TAF3: variants seen among roughly 807,000 people sequenced by gnomAD.
TAF3 encodes TATA-box binding protein associated factor 3, also known as transcription initiation factor TFIID subunit 3.
In TAF3, 7 loss-of-function variants were observed where a neutral mutation model predicts 80.6. The ratio of observed to expected loss-of-function variants is 0.09; its 90% CI spans 0.05 to 0.16. The LOEUF (loss-of-function observed/expected upper bound fraction) is 0.16. TAF3 is among the 10% of genes least tolerant of loss of function. The pLI is 1.00. For synonymous variants in TAF3, 444 were observed against 446.1 expected, an observed-to-expected ratio of 1.00 and a Z score of 0.06; for missense variants, 921 against 1,140.2, an observed-to-expected ratio of 0.81 and a Z score of 2.77.
intron 4 of TAF3, among the ~76,000 whole-genome samples, chr10:7,996,183 C>T (rs1831885460): frequency 6.6e-6 from 1 of 152,124 alleles, no homozygotes; most frequent in African/African-American, 2.4e-5. Context: ...GGTTCTGGCT[C>T]AGGTCTGTCT....
chr10:7,926,519 T>C (rs557327205), intron 2 of TAF3, among the ~76,000 whole-genome samples: 1 of 152,342 alleles, frequency 6.6e-6, no homozygotes, highest in East Asian at 1.9e-4. Context: ...AATGTTCTTA[T>C]AAGACTTTAT....
intron 4 of TAF3, among the ~76,000 whole-genome samples, chr10:7,990,801 G>A (rs566731905): frequency 5.3e-4 from 80 of 152,258 alleles, no homozygotes; most frequent in African/African-American, 1.8e-3. Flanking sequence ...CAGGAGGTGC[G>A]TTAGAGAGTC....
At chr10:7,995,541 G>T (rs1177819934) in intron 4 of TAF3, among the ~76,000 whole-genome samples, 1 of 152,144 alleles carries the variant, frequency 6.6e-6, no homozygotes, top group African/African-American at 2.4e-5. Flanking sequence ...TGCCCTTTTA[G>T]AGATTTTATG....
chr10:7,950,798 C>T (rs1335775695), intron 2 of TAF3, among the ~76,000 whole-genome samples: 3 of 152,194 alleles, frequency 2.0e-5, no homozygotes, highest in African/African-American at 7.2e-5. Flanking sequence ...GTGGTTTTCA[C>T]CATCTCAGTA....
intron 2 of TAF3, among the ~76,000 whole-genome samples, chr10:7,825,871 GA>G (rs773457903): frequency 1.4e-4 from 22 of 152,172 alleles, no homozygotes; most frequent in Middle Eastern, 3.4e-3. Flanking sequence ...CCTTGAAGTA[GA>G]ATTGCTGGAT....
At chr10:7,844,905 G>A (rs1221302783) in intron 2 of TAF3, among the ~76,000 whole-genome samples, 1 of 151,660 alleles carries the variant, frequency 6.6e-6, no homozygotes, top group African/African-American at 2.4e-5. Flanking sequence ...CTTATTGTTG[G>A]GCATTTTTAA....
At chr10:7,876,049 G>A (rs1296407690) in intron 2 of TAF3, among the ~76,000 whole-genome samples, 1 of 151,666 alleles carries the variant, frequency 6.6e-6, no homozygotes. Flanking sequence ...TAAAAAGGAA[G>A]TTTGTTTTCC....
chr10:7,899,592 G>T (rs1186558275), intron 2 of TAF3, among the ~76,000 whole-genome samples: 1 of 152,276 alleles, frequency 6.6e-6, no homozygotes, highest in South Asian at 2.1e-4. Context: ...GTACTGGAAG[G>T]TTAAGACAGT....
chr10:7,964,094 C>T lies in TAF3; in HGVS notation c.584C>T (p.Pro195Leu). The T allele has an allele frequency of 6.2e-7, 1 of 1,614,056 alleles. No individual in the cohort carries two copies. The highest frequency in any genetic ancestry group is 1.1e-5 in the South Asian group (1 of 91,076). The change falls in exon 3 of 7, where the codon CCT (proline) becomes CTT (leucine). Residue 195 changes from proline to leucine, a missense_variant. Pro to Leu is a moderately conservative substitution (Grantham distance 98). Coordinates refer to ENST00000344293, the MANE Select transcript of TAF3 (RefSeq NM_031923.4). This position sits in a 1 kb window ranked among gnomAD's most constrained non-coding sequence, Gnocchi z 4.1. ...GAAGAACTGCCAGCCATGAAGCGGCCTCGGCTATTAAGCACTAAAGGGGAC... is the reference window on the plus strand; with the variant it reads ...GAAGAACTGCCAGCCATGAAGCGGCTTCGGCTATTAAGCACTAAAGGGGAC... ...EAEELPAMKR[P>L]RLLSTKGDTL...
chr10:7,872,230 T>TTC (rs1378752056), intron 2 of TAF3, among the ~76,000 whole-genome samples: 4 of 150,562 alleles, frequency 2.7e-5, no homozygotes, highest in South Asian at 2.1e-4. Context: ...TTTTTTTTTT[T>TTC]TTTCTTTCTT....
At chr10:7,828,090 C>T (rs1387048521) in intron 2 of TAF3, among the ~76,000 whole-genome samples, 1 of 152,144 alleles carries the variant, frequency 6.6e-6, no homozygotes, top group East Asian at 1.9e-4. Context: ...CGGTGTCAAG[C>T]TGCATTCAGT....
At chr10:7,925,813 G>A (rs59722725) in intron 2 of TAF3, among the ~76,000 whole-genome samples, 64,807 of 129,700 alleles carry the variant, frequency 0.5, 17,680 homozygotes, top group East Asian at 0.68. Context: ...AAAAAAAAAA[G>A]AAAAGAAAAG....
chr10:7,903,425 A>G lies in TAF3; in HGVS notation c.410-60495A>G, dbSNP rs114964150. Among the ~76,000 whole-genome samples, 427 of 152,174 alleles carry G rather than the reference A, an allele frequency of 2.8e-3. 5 individuals are homozygous for G. The highest frequency in any genetic ancestry group is 9.6e-3 in the African/African-American group (399 of 41,530). On this transcript the variant is annotated intron_variant, in intron 2 of 6. Transcript: ENST00000344293. ...TTTCCTTGTCTCAGCCTTGGAAGCA[A>G]CTCTTTCTCCAGGAAGCTCACCTCC... is the stretch of plus-strand genomic sequence containing the variant.
At chr10:7,935,463 A>G (rs1837908822) in intron 2 of TAF3, among the ~76,000 whole-genome samples, 1 of 151,962 alleles carries the variant, frequency 6.6e-6, no homozygotes, top group South Asian at 2.1e-4. Context: ...GGGCGCCTGT[A>G]GTCCCAGCTA....
intron 2 of TAF3, among the ~76,000 whole-genome samples, chr10:7,846,537 A>G (rs768159123): frequency 6.6e-6 from 1 of 152,196 alleles, no homozygotes; most frequent in Non-Finnish European, 1.5e-5. Context: ...GAACAGTTTT[A>G]ACTATTACAG....
At chr10:7,857,899 C>T (rs1251020009) in intron 2 of TAF3, among the ~76,000 whole-genome samples, 2 of 131,896 alleles carry the variant, frequency 1.5e-5, no homozygotes, top group African/African-American at 5.6e-5. Context: ...GGGTTCTTTT[C>T]AACATTTCTG....
In TAF3 at chr10:7,863,666, T is replaced by TAC. The variant is rs1251723055; in HGVS notation, c.409+39112_409+39113dup. On this transcript the variant is annotated intron_variant, in intron 2 of 6. Transcript: ENST00000344293. ...ATATATACACACACACATATATATA[T>TAC]ACACACATATATATATATACACACA... is the stretch of plus-strand genomic sequence containing the variant. 9.9e-4 allele frequency among the ~76,000 whole-genome samples: 37 copies of TAC among 37,540 alleles called. 5 individuals are homozygous for TAC. The highest frequency in any genetic ancestry group is 7.8e-3 in the East Asian group (3 of 384). 24.6% of individuals were successfully genotyped at this position (37,540 alleles called of 152,430 possible).
intron 2 of TAF3, among the ~76,000 whole-genome samples, chr10:7,955,741 AC>A (rs1838128868): frequency 6.6e-6 from 1 of 152,164 alleles, no homozygotes. Context: ...GGTGTGTCAG[AC>A]CTTATTGCCT....
chr10:7,837,951 GT>G (rs1314337881), intron 2 of TAF3, among the ~76,000 whole-genome samples: 1 of 152,198 alleles, frequency 6.6e-6, no homozygotes, highest in African/African-American at 2.4e-5. Flanking sequence ...CTAAAATAAT[GT>G]TTGTGTATGT....
Sources: allele counts gnomAD v4.1 joint callset (sites outside exome capture counted in the v4.1 genomes callset), GRCh38; gene constraint gnomAD v4.1.1; non-coding constraint Gnocchi (gnomAD v3.1); transcripts MANE v1.5; gene names NCBI Gene and HGNC (gene_info 2026-07-23, HGNC 2026-07-21).